Variants in HGD observed in about 807,000 individuals in gnomAD.
HGD encodes the protein homogentisate oxidase.
HGD carries 61 observed loss-of-function variants against 60.8 expected under a neutral mutation model. That is an observed-to-expected ratio of 1.00 (90% CI 0.82 to 1.24). The LOEUF (loss-of-function observed/expected upper bound fraction) is 1.24, where lower values mean the gene tolerates loss of function less well. Among genes scored for constraint, HGD ranks in the 50% most tolerant of loss-of-function variants. The pLI is 0.00. For missense variants in HGD, 542 were observed against 547.1 expected, an observed-to-expected ratio of 0.99 and a Z score of 0.09; for synonymous variants, 212 against 187.7, an observed-to-expected ratio of 1.13 and a Z score of -1.06.
chr3:120,658,119 T>C (rs892335930), intron 4 of HGD, among the ~76,000 whole-genome samples: 1 of 152,154 alleles, frequency 6.6e-6, no homozygotes, highest in Non-Finnish European at 1.5e-5. Flanking sequence ...TTCTCACATG[T>C]CAAAATATAA....
At chr3:120,650,717 T>C (rs1443540483) in intron 6 of HGD, 57 bp downstream of exon 6, 1 of 1,328,740 alleles carries the variant, frequency 7.5e-7, no homozygotes, top group Non-Finnish European at 1.1e-6. Context: ...GAGTTTGACT[T>C]CTGGCCAAAA....
Position 120,656,580 on chromosome 3 carries a change from C to T in HGD, c.283-3929G>A, listed in dbSNP as rs542115061. Among the ~76,000 whole-genome samples, 15 of 150,922 alleles carry T rather than the reference C, an allele frequency of 9.9e-5. 2 individuals carry two copies. In the South Asian group the frequency reaches 2.3e-3, roughly 23 times the overall value. On this transcript the variant is annotated intron_variant, in intron 4 of 13. Coordinates refer to ENST00000283871, the MANE Select transcript of HGD (RefSeq NM_000187.4). Reference sequence around the variant, plus strand: ...CTTTTTTTTGGGGGGGGGTTGGAGTCGCGCTCTGTTACCCAGGCTGGAGTG... The same window carrying T: ...CTTTTTTTTGGGGGGGGGTTGGAGTTGCGCTCTGTTACCCAGGCTGGAGTG...
At chr3:120,660,613 TGAG>T (rs1941632579) in intron 4 of HGD, among the ~76,000 whole-genome samples, 1 of 152,162 alleles carries the variant, frequency 6.6e-6, no homozygotes, top group African/African-American at 2.4e-5. Context: ...TCACCTGAGA[TGAG>T]GAGTTCGAGA....
intron 2 of HGD, among the ~76,000 whole-genome samples, chr3:120,675,390 G>T (rs562499058): frequency 8.0e-5 from 12 of 150,618 alleles, no homozygotes; most frequent in Admixed American, 3.3e-4. Flanking sequence ...AAAAAGTTTT[G>T]AAAATATTTT....
chr3:120,675,983 C>T (rs1433551715), intron 1 of HGD, 120 bp from the exon 2 acceptor site: 2 of 766,432 alleles, frequency 2.6e-6, no homozygotes, highest in East Asian at 2.5e-5. Context: ...TGATGTTCCA[C>T]ATATAATATC....
chr3:120,662,258 C>T (rs1298015861), intron 4 of HGD, among the ~76,000 whole-genome samples: 1 of 152,090 alleles, frequency 6.6e-6, no homozygotes, highest in Non-Finnish European at 1.5e-5. Context: ...GATAATTTAG[C>T]ACGCTGATTC....
chr3:120,629,524 A>C (rs933911368), intron 13 of HGD, among the ~76,000 whole-genome samples: 1 of 152,238 alleles, frequency 6.6e-6, no homozygotes, highest in African/African-American at 2.4e-5. Flanking sequence ...AGTGCTATGC[A>C]AGTTATACAG....
chr3:120,670,461 T>C lies in HGD; in HGVS notation c.248A>G (p.His83Arg), dbSNP rs1228550867. ...ATCAGGATCAACTTCATCCCAGTTG[T>C]GAGTGACTTGGCCTTCGTCAATGGA... is the stretch of plus-strand genomic sequence containing the variant. ...FESIDEGQVT[H>R]NWDEVDPDPN... Residue 83 changes from histidine (H) to arginine (R), a missense_variant, in exon 4 of 14, where the codon CAC becomes CGC. His to Arg is a conservative substitution (Grantham distance 29). Coordinates refer to ENST00000283871, the MANE Select transcript of HGD (RefSeq NM_000187.4). 2 of 1,607,752 alleles carry C rather than the reference T, an allele frequency of 1.2e-6. No homozygotes were observed. Among genetic ancestry groups the C allele is most frequent in the Non-Finnish European group, 8.5e-7 (1 of 1,174,300 alleles).
chr3:120,652,805 C>G (rs1941384419), intron 4 of HGD, among the ~76,000 whole-genome samples, 154 bp from the exon 5 acceptor site: 1 of 152,196 alleles, frequency 6.6e-6, no homozygotes, highest in African/African-American at 2.4e-5. Context: ...GATTATCCAT[C>G]ATTTCCTTAA....
At chr3:120,649,211 C>T (rs538122815) in intron 6 of HGD, among the ~76,000 whole-genome samples, 4 of 139,500 alleles carry the variant, frequency 2.9e-5, no homozygotes, top group East Asian at 4.3e-4. Context: ...GGCATGATCT[C>T]GGTTCACTGC....
intron 1 of HGD, among the ~76,000 whole-genome samples, chr3:120,681,426 A>C (rs1708228434): frequency 6.6e-6 from 1 of 152,224 alleles, no homozygotes; most frequent in South Asian, 2.1e-4. Flanking sequence ...TCGCATTCAA[A>C]CATACCCTGC....
intron 4 of HGD, among the ~76,000 whole-genome samples, chr3:120,663,852 A>G (rs1275511087): frequency 7.4e-6 from 1 of 135,754 alleles, no homozygotes; most frequent in Non-Finnish European, 1.5e-5. Context: ...AAAGACATGG[A>G]AAAAGGCGCA....
rs538390750 is a variant in HGD at position 120,674,808 on chromosome 3, T to C, written c.176+93A>G. 62 of 839,750 alleles carry C rather than the reference T, an allele frequency of 7.4e-5. No individual in the cohort carries two copies. In the African/African-American group the frequency reaches 9.7e-4, roughly 13 times the overall value. 52.0% of individuals were successfully genotyped at this position (839,750 alleles called of 1,614,324 possible). A position where few individuals can be genotyped will look rare whatever the true frequency, so the allele number is the denominator to read the frequency against. On this transcript the variant is annotated intron_variant, in intron 3 of 13. Coordinates refer to ENST00000283871, the MANE Select transcript of HGD (RefSeq NM_000187.4). Reference sequence around the variant, plus strand: ...TATAAGAAGCAGGATCTTGGGCAGCTCTGGGAGGCTGTGGCCCAGGGGAAG... The same window carrying C: ...TATAAGAAGCAGGATCTTGGGCAGCCCTGGGAGGCTGTGGCCCAGGGGAAG...
chr3:120,661,842 A>G (rs769251293), intron 4 of HGD, among the ~76,000 whole-genome samples: 3 of 152,248 alleles, frequency 2.0e-5, no homozygotes, highest in Non-Finnish European at 4.4e-5. Context: ...GAATGATAGG[A>G]TCTGAACTAT....
chr3:120,652,091 GAATT>G (rs2107521171), intron 5 of HGD, among the ~76,000 whole-genome samples: 1 of 152,156 alleles, frequency 6.6e-6, no homozygotes, highest in African/African-American at 2.4e-5. Flanking sequence ...GCTCATACCA[GAATT>G]ATTAGATGTT....
chr3:120,647,754 G>T (rs1256569175), intron 7 of HGD, 123 bp downstream of exon 7: 2 of 863,554 alleles, frequency 2.3e-6, no homozygotes, highest in African/African-American at 3.3e-5. Flanking sequence ...TCAGTCTCTG[G>T]ATTGCACTAA....
At chr3:120,678,226 C>T (rs909315170) in intron 1 of HGD, among the ~76,000 whole-genome samples, 3 of 152,216 alleles carry the variant, frequency 2.0e-5, no homozygotes, top group African/African-American at 7.2e-5. Flanking sequence ...ATCCAATTTT[C>T]TACTCTCAAA....
intron 12 of HGD, among the ~76,000 whole-genome samples, chr3:120,638,229 T>G (rs1012369918): frequency 2.6e-5 from 4 of 152,182 alleles, no homozygotes; most frequent in Non-Finnish European, 5.9e-5. Context: ...ATAAATTAAG[T>G]AGCCTCAGGT....
chr3:120,644,304 A>C lies in HGD; in HGVS notation c.774+15T>G. On this transcript the variant is annotated intron_variant, in intron 10 of 13. Transcript: ENST00000283871. ...TCTTCATTTCCTCCCTTGCCTGCCA[A>C]CCCTTTTACTTTACCTGTTTGGCAG... is the stretch of plus-strand genomic sequence containing the variant. The C allele has an allele frequency of 6.2e-7, 1 of 1,613,776 alleles. No individual in the cohort carries two copies. The highest frequency in any genetic ancestry group is 1.1e-5 in the South Asian group (1 of 91,070).
Sources: allele counts gnomAD v4.1 joint callset (sites outside exome capture counted in the v4.1 genomes callset), GRCh38; gene constraint gnomAD v4.1.1; transcripts MANE v1.5; gene names NCBI Gene and HGNC (gene_info 2026-07-23, HGNC 2026-07-21).